ACAP2: variants seen among roughly 807,000 people sequenced by gnomAD.
ACAP2 encodes the protein ArfGAP with coiled-coil, ankyrin repeat and PH domains 2.
In ACAP2, 39 loss-of-function variants were observed where a neutral mutation model predicts 115.8. That is an observed-to-expected ratio of 0.34 (90% CI 0.26 to 0.44). The LOEUF (loss-of-function observed/expected upper bound fraction) is 0.44. Ranked by LOEUF, ACAP2 falls within the 20% of genes least tolerant of loss-of-function variation. The pLI, the probability that ACAP2 is intolerant of heterozygous loss-of-function variation, is 1.00. For synonymous variants in ACAP2, 289 were observed against 315.8 expected, an observed-to-expected ratio of 0.92 and a Z score of 0.90; for missense variants, 662 against 927.6, an observed-to-expected ratio of 0.71 and a Z score of 3.72.
At chr3:195,436,170 A>T (rs183294790) in intron 1 of ACAP2, among the ~76,000 whole-genome samples, 224 of 150,626 alleles carry the variant, frequency 1.5e-3, no homozygotes, top group African/African-American at 5.3e-3. Context: ...ACTGTCACCC[A>T]GGCTGGAGTG....
intron 4 of ACAP2, among the ~76,000 whole-genome samples, chr3:195,375,248 T>C (rs1733446562): frequency 1.3e-5 from 2 of 152,186 alleles, no homozygotes; most frequent in East Asian, 3.9e-4. Flanking sequence ...ACACATTCAA[T>C]ACATAATATC....
chr3:195,408,189 T>C (rs1712948600), intron 1 of ACAP2, among the ~76,000 whole-genome samples: 1 of 152,126 alleles, frequency 6.6e-6, no homozygotes, highest in African/African-American at 2.4e-5. Flanking sequence ...AGGCCAGGCA[T>C]AGTGGCTCAT....
At chr3:195,417,078 ATT>A (rs11293878) in intron 1 of ACAP2, among the ~76,000 whole-genome samples, 86 of 109,516 alleles carry the variant, frequency 7.9e-4, no homozygotes, top group African/African-American at 1.6e-3. Context: ...TGCCTGGCTA[ATT>A]TTTTTTTTTT....
chr3:195,387,806 T>C (rs551628688), intron 2 of ACAP2, among the ~76,000 whole-genome samples: 1 of 152,368 alleles, frequency 6.6e-6, no homozygotes, highest in African/African-American at 2.4e-5. Context: ...TAACAGTCTG[T>C]TGAAGAGACA....
Position 195,292,377 on chromosome 3 carries a change from G to A in ACAP2, c.1841C>T (p.Ser614Leu). The A allele has an allele frequency of 6.2e-7, 1 of 1,609,348 alleles. No individual in the cohort carries two copies. Among genetic ancestry groups the A allele is most frequent in the Non-Finnish European group, 8.5e-7 (1 of 1,177,456 alleles). ...CATTTTAGGAAGGTTTTTTTCATATGACGCCCTATAAAGCTGAAGTCCTGG... is the reference window on the plus strand; with the variant it reads ...CATTTTAGGAAGGTTTTTTTCATATAACGCCCTATAAAGCTGAAGTCCTGG... ...LNPGLQLYRA[S>L]YEKNLPKMAE... The change falls in exon 19 of 23, where the codon TCA becomes TTA. Residue 614 changes from serine (S) to leucine (L), a missense_variant. By Grantham distance (145) the Ser-to-Leu change is moderately radical. Transcript: ENST00000326793.
intron 22 of ACAP2, among the ~76,000 whole-genome samples, chr3:195,281,360 G>A (rs964799684): frequency 1.3e-5 from 2 of 151,848 alleles, no homozygotes; most frequent in African/African-American, 2.4e-5. Flanking sequence ...AGCCAAGATC[G>A]CGCCACTGCA....
intron 10 of ACAP2, among the ~76,000 whole-genome samples, chr3:195,317,985 T>A (rs559355829): frequency 6.6e-6 from 1 of 152,264 alleles, no homozygotes; most frequent in South Asian, 2.1e-4. Flanking sequence ...GGATGTGGTG[T>A]GAGGTGACTG....
Position 195,388,172 on chromosome 3 carries a change from T to C in ACAP2, c.111+3918A>G, listed in dbSNP as rs1273827868. Among the ~76,000 whole-genome samples, 3 of 151,444 alleles carry C rather than the reference T, an allele frequency of 2.0e-5. No individual in the cohort carries two copies. The East Asian group carries it at 5.8e-4, about 29-fold the overall frequency. On this transcript the variant is annotated intron_variant, in intron 2 of 22. Coordinates refer to ENST00000326793, the MANE Select transcript of ACAP2 (RefSeq NM_012287.6). ...GTTTGTGTTCTTAACTACTAGGCTA[T>C]GCTCCCCACCCAAAATTACAATACT...
At chr3:195,436,178 G>A (rs1417513238) in intron 1 of ACAP2, among the ~76,000 whole-genome samples, 1 of 150,280 alleles carries the variant, frequency 6.7e-6, no homozygotes, top group Non-Finnish European at 1.5e-5. Context: ...CCAGGCTGGA[G>A]TGCAGTGGCA....
intron 1 of ACAP2, among the ~76,000 whole-genome samples, chr3:195,440,457 A>T (rs761338071): frequency 1.1e-4 from 16 of 152,262 alleles, no homozygotes; most frequent in Admixed American, 4.6e-4. Context: ...TACAGCACCA[A>T]GACAGTTATG....
intron 18 of ACAP2, among the ~76,000 whole-genome samples, chr3:195,294,467 A>T (rs1577248402): frequency 6.6e-6 from 1 of 150,812 alleles, no homozygotes; most frequent in Admixed American, 6.6e-5. Context: ...AATCCCAGCT[A>T]CTCGGGAGGC....
At chr3:195,324,083 TA>T (rs1325562787) in intron 9 of ACAP2, among the ~76,000 whole-genome samples, 1 of 151,854 alleles carries the variant, frequency 6.6e-6, no homozygotes, top group Non-Finnish European at 1.5e-5. Flanking sequence ...AAAAATGAAA[TA>T]AAAAAATTTT....
intron 4 of ACAP2, among the ~76,000 whole-genome samples, chr3:195,346,843 T>C (rs1731218338): frequency 6.6e-6 from 1 of 152,206 alleles, no homozygotes; most frequent in Admixed American, 6.5e-5. Flanking sequence ...TGATTATTAA[T>C]ACATGCAACA....
chr3:195,426,931 C>T (rs1311088802), intron 1 of ACAP2, among the ~76,000 whole-genome samples: 5 of 151,918 alleles, frequency 3.3e-5, no homozygotes, highest in South Asian at 4.2e-4. Context: ...TAATGCCCCC[C>T]GCCACCCGCC....
Position 195,385,497 on chromosome 3 carries a change from T to C in ACAP2, c.112-3475A>G, listed in dbSNP as rs370439669. On this transcript the variant is annotated intron_variant, in intron 2 of 22. Transcript: ENST00000326793. Reference sequence around the variant, plus strand: ...AGGAGGTAAGGGGCTTGGAACTGCATAGAAAAAGGGATACTTTTATTATTC... The same window carrying C: ...AGGAGGTAAGGGGCTTGGAACTGCACAGAAAAAGGGATACTTTTATTATTC... 1.9e-4 allele frequency among the ~76,000 whole-genome samples: 29 copies of C among 151,396 alleles called. No homozygotes were observed. The East Asian group carries it at 2.9e-3, about 15-fold the overall frequency.
chr3:195,405,629 T>C (rs1712702250), intron 1 of ACAP2, among the ~76,000 whole-genome samples: 1 of 151,090 alleles, frequency 6.6e-6, no homozygotes, highest in Admixed American at 6.6e-5. Flanking sequence ...GAGGTTGCAG[T>C]GAGCTGAGAT....
intron 20 of ACAP2, among the ~76,000 whole-genome samples, chr3:195,290,551 C>T (rs1727171885): frequency 6.6e-6 from 1 of 152,000 alleles, no homozygotes; most frequent in Non-Finnish European, 1.5e-5. Flanking sequence ...TGGCTCATAC[C>T]TGTAATCCCA....
intron 4 of ACAP2, among the ~76,000 whole-genome samples, chr3:195,368,503 C>G (rs1732887932): frequency 6.6e-6 from 1 of 152,126 alleles, no homozygotes; most frequent in African/African-American, 2.4e-5. Flanking sequence ...TTAATTCTTC[C>G]TCCTGCATTC....
At chr3:195,434,784 G>A (rs1715406943) in intron 1 of ACAP2, among the ~76,000 whole-genome samples, 1 of 152,166 alleles carries the variant, frequency 6.6e-6, no homozygotes, top group South Asian at 2.1e-4. Context: ...TTATAGGTCT[G>A]TTCAGATTTT....
Sources: allele counts gnomAD v4.1 joint callset (sites outside exome capture counted in the v4.1 genomes callset), GRCh38; gene constraint gnomAD v4.1.1; transcripts MANE v1.5; gene names NCBI Gene and HGNC (gene_info 2026-07-23, HGNC 2026-07-21).